The following SEPTIN14 variants were observed in gnomAD, a reference collection of about 807,000 sequenced individuals.
SEPTIN14 encodes septin 14.
SEPTIN14 carries 40 observed loss-of-function variants against 53.6 expected under a neutral mutation model. The observed-to-expected ratio is 0.75, with a 90% CI of 0.58 to 0.97. SEPTIN14 has a LOEUF of 0.97. Ranked by LOEUF, SEPTIN14 falls within the 50% of genes least tolerant of loss-of-function variation. The pLI is 0.00. For missense variants in SEPTIN14, 471 were observed against 508.2 expected (o/e 0.93, Z 0.70); for synonymous variants, 138 against 166.8 (o/e 0.83, Z 1.33).
At chr7:55,839,951 C>G (rs1378442807) in intron 5 of SEPTIN14, among the ~76,000 whole-genome samples, 1 of 151,478 alleles carries the variant, frequency 6.6e-6, no homozygotes, top group African/African-American at 2.4e-5. Context: ...TCGAGACCAG[C>G]CTGGCCAACA....
intron 2 of SEPTIN14, among the ~76,000 whole-genome samples, chr7:55,849,968 T>C (rs772242782): frequency 1.3e-5 from 2 of 151,950 alleles, no homozygotes; most frequent in Non-Finnish European, 2.9e-5. Context: ...AATGACACAA[T>C]GGGAAATAGG....
intron 5 of SEPTIN14, among the ~76,000 whole-genome samples, chr7:55,835,404 G>T (rs1186432930): frequency 3.3e-5 from 5 of 151,752 alleles, no homozygotes; most frequent in African/African-American, 1.2e-4. Flanking sequence ...GGGTTTCACC[G>T]TGTTAGCCAG....
At chr7:55,828,080 G>A (rs904876294) in intron 6 of SEPTIN14, among the ~76,000 whole-genome samples, 14 of 151,380 alleles carry the variant, frequency 9.2e-5, no homozygotes, top group African/African-American at 2.4e-4. Flanking sequence ...TAGCTCTCTC[G>A]CAATGGATCC....
intron 6 of SEPTIN14, among the ~76,000 whole-genome samples, chr7:55,828,174 C>T: frequency 6.6e-6 from 1 of 151,252 alleles, no homozygotes. Flanking sequence ...CAAGACAAAG[C>T]TGAAAATCAA....
chr7:55,831,927 C>T (rs181758357), intron 6 of SEPTIN14, among the ~76,000 whole-genome samples: 127 of 152,170 alleles, frequency 8.3e-4, no homozygotes, highest in African/African-American at 2.2e-3. Context: ...AAAGGCAGGG[C>T]GCAGTGGCTC....
intron 5 of SEPTIN14, among the ~76,000 whole-genome samples, chr7:55,835,220 A>G (rs1789183705): frequency 6.7e-6 from 1 of 150,182 alleles, no homozygotes; most frequent in Admixed American, 6.6e-5. Context: ...TTTATTTTTC[A>G]GACAGAGTCT....
intron 6 of SEPTIN14, among the ~76,000 whole-genome samples, chr7:55,833,618 G>T (rs1789151720): frequency 6.6e-6 from 1 of 151,866 alleles, no homozygotes; most frequent in Admixed American, 6.6e-5. Context: ...TGAGGCAGGA[G>T]AATCACTTGA....
At chr7:55,818,543 T>C (rs1482774050) in intron 7 of SEPTIN14, among the ~76,000 whole-genome samples, 1 of 151,100 alleles carries the variant, frequency 6.6e-6, no homozygotes, top group African/African-American at 2.4e-5. Flanking sequence ...CCAATAATTA[T>C]ATGAACCACA....
intron 2 of SEPTIN14, among the ~76,000 whole-genome samples, chr7:55,851,550 T>C (rs1264755883): frequency 6.6e-6 from 1 of 152,104 alleles, no homozygotes; most frequent in East Asian, 1.9e-4. Flanking sequence ...AATGATAAAC[T>C]ATAAAATACT....
chr7:55,843,629 C>G (rs1241459609), intron 4 of SEPTIN14, among the ~76,000 whole-genome samples: 1 of 152,058 alleles, frequency 6.6e-6, no homozygotes, highest in Non-Finnish European at 1.5e-5. Context: ...GTCAGGAGTT[C>G]AAGACCATCC....
chr7:55,859,733 G>A (rs543989002), intron 2 of SEPTIN14, among the ~76,000 whole-genome samples: 2 of 151,656 alleles, frequency 1.3e-5, no homozygotes, highest in South Asian at 4.2e-4. Context: ...CCACTACTGG[G>A]TATATACCCA....
chr7:55,817,976 T>G (rs969102459), intron 7 of SEPTIN14, among the ~76,000 whole-genome samples: 1 of 152,130 alleles, frequency 6.6e-6, no homozygotes, highest in Non-Finnish European at 1.5e-5. Flanking sequence ...CTCTCTCCTG[T>G]GTTTGTCATG....
chr7:55,806,164 ATT>A (rs925385388), intron 8 of SEPTIN14, among the ~76,000 whole-genome samples: 5 of 151,270 alleles, frequency 3.3e-5, no homozygotes, highest in Non-Finnish European at 7.4e-5. Flanking sequence ...CGCCCAGCTA[ATT>A]TTTTTTGTAT....
At chr7:55,843,228 C>T (rs1789345258) in intron 4 of SEPTIN14, 100 bp from the exon 5 acceptor site, 1 of 613,890 alleles carries the variant, frequency 1.6e-6, no homozygotes, top group Non-Finnish European at 2.7e-6. Flanking sequence ...AAGCAGTTTG[C>T]TATAGTGATG....
intron 9 of SEPTIN14, among the ~76,000 whole-genome samples, chr7:55,800,023 C>A (rs1001426052): frequency 3.9e-5 from 6 of 152,110 alleles, no homozygotes; most frequent in African/African-American, 1.4e-4. Context: ...AGTTTGAAAT[C>A]ATATTATGTA....
intron 5 of SEPTIN14, among the ~76,000 whole-genome samples, chr7:55,840,908 T>G (rs1030907076): frequency 1.3e-5 from 2 of 152,026 alleles, no homozygotes; most frequent in African/African-American, 4.8e-5. Flanking sequence ...ATTTATTATT[T>G]ATTTATTTAT....
In SEPTIN14 at chr7:55,839,647, G is replaced by A. The variant is rs113503409; in HGVS notation, c.558+3295C>T. On this transcript the variant is annotated intron_variant, in intron 5 of 9. Transcript: ENST00000388975. ...CTCTGTACCATGCATGCTTTCAGGCGTCCACTGGGGATCTTGTAACTTACT... is the reference window on the plus strand; with the variant it reads ...CTCTGTACCATGCATGCTTTCAGGCATCCACTGGGGATCTTGTAACTTACT... 9.4e-3 allele frequency among the ~76,000 whole-genome samples: 1,423 copies of A among 152,124 alleles called. 13 individuals carry two copies. Among genetic ancestry groups the A allele is most frequent in the Non-Finnish European group, 0.014 (941 of 68,006 alleles).
chr7:55,846,590 A>G lies in SEPTIN14; in HGVS notation c.102T>C (p.Gly34=). 6.5e-7 allele frequency: 1 copy of G among 1,541,018 alleles called. No individual in the cohort carries two copies. Among genetic ancestry groups the G allele is most frequent in the Admixed American group, 1.7e-5 (1 of 58,738 alleles). The change falls in exon 3 of 10, where the codon GGT becomes GGC. Residue 34 remains glycine, a synonymous_variant. Transcript: ENST00000388975. The part of the protein sequence containing the change: ...IRCLTTIGHF[G]FECLPNQLVS... ...CCAACTGATTGGGCAAACATTCAAA[A>G]CCAAAATGTCCAATCGTAGTTAAAC...
chr7:55,816,642 C>CAAA (rs763100495), intron 7 of SEPTIN14, among the ~76,000 whole-genome samples: 1 of 119,598 alleles, frequency 8.4e-6, no homozygotes, highest in Non-Finnish European at 1.8e-5. Context: ...ACTAAAAATA[C>CAAA]AAAAAAAAAA....
Sources: gnomAD v4.1 joint callset for allele counts (sites outside exome capture counted in the v4.1 genomes callset) on GRCh38, gnomAD v4.1.1 for gene constraint, MANE v1.5 for transcripts, NCBI Gene and HGNC (gene_info 2026-07-23, HGNC 2026-07-21) for gene names.